Variants in SMU1 observed in about 807,000 individuals in gnomAD.
The protein encoded by SMU1 is WD40 repeat-containing protein SMU1.
SMU1 carries 2 observed loss-of-function variants against 62.0 expected under a neutral mutation model. The observed-to-expected ratio is 0.03, with a 90% CI of 0.01 to 0.10. The LOEUF (loss-of-function observed/expected upper bound fraction) is 0.10. Among genes scored for constraint, SMU1 ranks in the 10% least tolerant of loss-of-function variants. SMU1 has a pLI of 1.00. For synonymous variants in SMU1, 188 were observed against 212.4 expected, an observed-to-expected ratio of 0.89 and a Z score of 1.00; for missense variants, 227 against 622.1, an observed-to-expected ratio of 0.36 and a Z score of 6.76.
rs1481536413 is a variant in SMU1 at position 33,068,918 on chromosome 9, C to T, written c.407G>A (p.Ser136Asn). The change falls in exon 4 of 12, where the codon AGT (serine) becomes AAT (asparagine). Residue 136 changes from serine (S) to asparagine (N), a missense_variant. Coordinates refer to ENST00000397149, the MANE Select transcript of SMU1 (RefSeq NM_018225.3). ...TGCTGCTCTTCTCTTTTCTTTGCTA[C>T]TTCCATCTGGGTATGCCTGAAAAAG... is the stretch of plus-strand genomic sequence containing the variant. ...FDPREAYPDG[S>N]SKEKRRAAIA... is the part of the protein sequence containing the mutation. 3.1e-6 allele frequency: 5 copies of T among 1,613,994 alleles called. No homozygotes were observed. Among genetic ancestry groups the T allele is most frequent in the Non-Finnish European group, 4.2e-6 (5 of 1,180,024 alleles).
At chr9:33,052,041 GTATCCTGATTGTAATGGTGGT>G (rs1839256516) in intron 10 of SMU1, among the ~76,000 whole-genome samples, 1 of 150,710 alleles carries the variant, frequency 6.6e-6, no homozygotes, top group East Asian at 1.9e-4. Flanking sequence ...AAACAGTTCT[GTATCCTGATTGTAATGGTGGT>G]TACATGACTC....
chr9:33,074,302 A>AT (rs201031557), intron 1 of SMU1, among the ~76,000 whole-genome samples: 10 of 151,704 alleles, frequency 6.6e-5, no homozygotes, highest in Non-Finnish European at 1.0e-4. Flanking sequence ...ATCTCTACAA[A>AT]TTTTTTTTTA....
intron 8 of SMU1, 90 bp from the exon 9 acceptor site, chr9:33,056,329 G>C: frequency 1.5e-6 from 2 of 1,303,982 alleles, no homozygotes; most frequent in Non-Finnish European, 2.1e-6. Context: ...ATAAATTACA[G>C]AAGCTCATGT....
Position 33,048,386 on chromosome 9 carries a change from C to G in SMU1, c.1291-128G>C, listed in dbSNP as rs149156915. The G allele has an allele frequency of 5.5e-5, 63 of 1,138,334 alleles. No individual in the cohort carries two copies. The East Asian group carries it at 1.4e-3, about 26-fold the overall frequency. 70.5% of individuals were successfully genotyped at this position (1,138,334 alleles called of 1,614,324 possible). A position where few individuals can be genotyped will look rare whatever the true frequency, so the allele number is the denominator to read the frequency against. On this transcript the variant is annotated intron_variant, in intron 10 of 11. Transcript: ENST00000397149. ...GGTTTACTATCATTTGTAATTAGATCTCCAGTCCTGTTCATCATGTGCTAA... is the reference window on the plus strand; with the variant it reads ...GGTTTACTATCATTTGTAATTAGATGTCCAGTCCTGTTCATCATGTGCTAA...
In SMU1 at chr9:33,044,018, T is replaced by C. The variant is rs1224914368; in HGVS notation, c.*3275A>G. 7.2e-6 allele frequency: 1 copy of C among 139,160 alleles called. No individual in the cohort carries two copies. The highest frequency in any genetic ancestry group is 1.5e-5 in the Non-Finnish European group (1 of 64,668). The allele number at this position is 139,160 out of a possible 1,614,324, so 8.6% of individuals were successfully genotyped here. A position where few individuals can be genotyped will look rare whatever the true frequency, so the allele number is the denominator to read the frequency against. On this transcript the variant is annotated 3_prime_UTR_variant, in exon 12 of 12. Coordinates refer to ENST00000397149, the MANE Select transcript of SMU1 (RefSeq NM_018225.3). ...AAAAAAAAAAAAAAAAAAAAAGCCA[T>C]ACTACTCCCAAATACCTCCGCGCAA...
chr9:33,064,905 G>A (rs2119441711), intron 4 of SMU1, among the ~76,000 whole-genome samples: 1 of 152,200 alleles, frequency 6.6e-6, no homozygotes, highest in East Asian at 1.9e-4. Flanking sequence ...ATGATGGCCA[G>A]CTAATTTTTC....
rs553253297 is a variant in SMU1, at chr9:33,071,995, G to T, written c.238-103C>A. 1.9e-5 allele frequency: 22 copies of T among 1,175,150 alleles called. No individual in the cohort carries two copies. In the East Asian group the frequency reaches 4.6e-4, roughly 25 times the overall value. The allele number at this position is 1,175,150 out of a possible 1,614,324, so 72.8% of individuals were successfully genotyped here. On this transcript the variant is annotated intron_variant, in intron 2 of 11. Coordinates refer to ENST00000397149, the MANE Select transcript of SMU1 (RefSeq NM_018225.3). ...CTAACACAGATATGGCCTGTCAAAG[G>T]ATTTCCAATACCAGGAAGTGCCCCT... is the stretch of plus-strand genomic sequence containing the variant.
chr9:33,063,433 T>C (rs1054064449), intron 4 of SMU1, among the ~76,000 whole-genome samples: 1 of 152,210 alleles, frequency 6.6e-6, no homozygotes, highest in Non-Finnish European at 1.5e-5. Flanking sequence ...AAGCACATGT[T>C]CACATAATAA....
chr9:33,060,391 T>C, intron 6 of SMU1, 74 bp downstream of exon 6: 1 of 1,284,088 alleles, frequency 7.8e-7, no homozygotes. Flanking sequence ...TAATCTGATT[T>C]AGAGGCCATA....
intron 10 of SMU1, among the ~76,000 whole-genome samples, chr9:33,051,328 G>C (rs1019997641): frequency 6.6e-6 from 1 of 152,142 alleles, no homozygotes; most frequent in African/African-American, 2.4e-5. Flanking sequence ...AGGAAGAACA[G>C]AAAGGGCACA....
intron 4 of SMU1, among the ~76,000 whole-genome samples, chr9:33,063,791 AC>A (rs1261018884): frequency 6.7e-6 from 1 of 150,240 alleles, no homozygotes; most frequent in Non-Finnish European, 1.5e-5. Context: ...CCCCCCTGAC[AC>A]CCCCACCACC....
chr9:33,051,577 A>C (rs111478719), intron 10 of SMU1, among the ~76,000 whole-genome samples: 114 of 152,304 alleles, frequency 7.5e-4, no homozygotes, highest in African/African-American at 2.6e-3. Flanking sequence ...CAGAAGAAAT[A>C]TGGGAACCGT....
intron 4 of SMU1, 118 bp downstream of exon 4, chr9:33,068,706 T>C (rs1839453737): frequency 6.9e-6 from 8 of 1,156,058 alleles, no homozygotes; most frequent in South Asian, 4.7e-5. Context: ...AGTCTCACAA[T>C]GTTGCTTAGG....
intron 1 of SMU1, among the ~76,000 whole-genome samples, chr9:33,075,333 C>A (rs12555374): frequency 6.6e-6 from 1 of 151,614 alleles, no homozygotes; most frequent in African/African-American, 2.4e-5. Context: ...GCGGAGATCG[C>A]GCCACTGCAT....
chr9:33,068,860 C>A lies in SMU1; in HGVS notation c.465G>T (p.Val155=). 2 of 1,614,088 alleles carry A rather than the reference C, an allele frequency of 1.2e-6. No individual in the cohort carries two copies. The highest frequency in any genetic ancestry group is 2.2e-5 in the South Asian group (2 of 91,074). The part of the protein sequence containing the change: ...IAQALAGEVS[V]VPPSRLMALL... ...ATGCCATGAGACGAGATGGAGGCACCACACTGACTTCGCCAGCTAAGGCCT... is the reference window on the plus strand; with the variant it reads ...ATGCCATGAGACGAGATGGAGGCACAACACTGACTTCGCCAGCTAAGGCCT... The change falls in exon 4 of 12, where the codon GTG becomes GTT. Residue 155 remains valine (V), a synonymous_variant. Transcript: ENST00000397149.
chr9:33,074,465 C>T (rs1017602482), intron 1 of SMU1, among the ~76,000 whole-genome samples: 2 of 151,372 alleles, frequency 1.3e-5, no homozygotes, highest in Non-Finnish European at 2.9e-5. Flanking sequence ...AAAAAATTAG[C>T]TAGGCATGAT....
At chr9:33,059,655 G>C (rs2119435021) in intron 6 of SMU1, among the ~76,000 whole-genome samples, 1 of 148,178 alleles carries the variant, frequency 6.7e-6, no homozygotes, top group East Asian at 2.1e-4. Context: ...GCCCAGGCTG[G>C]AGTGCAGTGG....
chr9:33,061,068 T>C (rs1425430462), intron 5 of SMU1, among the ~76,000 whole-genome samples: 1 of 152,248 alleles, frequency 6.6e-6, no homozygotes, highest in Middle Eastern at 3.2e-3. Context: ...CTTCATTTAA[T>C]GAAGTGATAA....
At chr9:33,069,713 A>G (rs1839465452) in intron 3 of SMU1, among the ~76,000 whole-genome samples, 1 of 152,122 alleles carries the variant, frequency 6.6e-6, no homozygotes, top group Non-Finnish European at 1.5e-5. Context: ...GAGGCAGGAG[A>G]ATTCCTGGAA....
Sources: gnomAD v4.1 joint callset for allele counts (sites outside exome capture counted in the v4.1 genomes callset) on GRCh38, gnomAD v4.1.1 for gene constraint, MANE v1.5 for transcripts, NCBI Gene and HGNC (gene_info 2026-07-23, HGNC 2026-07-21) for gene names.